The following ARHGAP15 variants were observed in gnomAD, a reference collection of about 807,000 sequenced individuals.
ARHGAP15 encodes Rho GTPase activating protein 15.
In ARHGAP15, 51 loss-of-function variants were observed where a neutral mutation model predicts 63.7. The observed-to-expected ratio is 0.80, with a 90% CI of 0.64 to 1.01. ARHGAP15 has a LOEUF of 1.01. ARHGAP15 is among the 50% of genes least tolerant of loss of function. The pLI, the probability that ARHGAP15 is intolerant of heterozygous loss-of-function variation, is 0.00. For missense variants in ARHGAP15, 560 were observed against 564.6 expected (o/e 0.99, Z 0.08); for synonymous variants, 191 against 193.8 (o/e 0.99, Z 0.12).
intron 5 of ARHGAP15, among the ~76,000 whole-genome samples, chr2:143,233,221 C>T (rs1693516829): frequency 6.6e-6 from 1 of 151,868 alleles, no homozygotes; most frequent in African/African-American, 2.4e-5. Flanking sequence ...CTTGGACTTG[C>T]TTTCTAGGAT....
chr2:143,327,070 C>T (rs1271527738), intron 6 of ARHGAP15, among the ~76,000 whole-genome samples: 2 of 152,194 alleles, frequency 1.3e-5, no homozygotes, highest in African/African-American at 2.4e-5. Context: ...AGCAAAGTCT[C>T]AGGATACAAA....
chr2:143,473,972 C>T (rs1347502755), intron 8 of ARHGAP15, among the ~76,000 whole-genome samples: 2 of 152,102 alleles, frequency 1.3e-5, no homozygotes, highest in African/African-American at 4.8e-5. Context: ...GAAATCTCAG[C>T]CCGTTCAATA....
At chr2:143,723,308 T>C (rs750429799) in intron 13 of ARHGAP15, among the ~76,000 whole-genome samples, 2 of 152,146 alleles carry the variant, frequency 1.3e-5, no homozygotes, top group Non-Finnish European at 2.9e-5. Context: ...CCATTGGTCC[T>C]ATGTGAAATG....
At chr2:143,758,541 G>A (rs1320453022) in intron 13 of ARHGAP15, among the ~76,000 whole-genome samples, 1 of 152,046 alleles carries the variant, frequency 6.6e-6, no homozygotes, top group African/African-American at 2.4e-5. Flanking sequence ...GAGGGCAGGA[G>A]ATATTCACAG....
intron 6 of ARHGAP15, among the ~76,000 whole-genome samples, chr2:143,410,831 A>G (rs1489911920): frequency 6.6e-6 from 1 of 150,640 alleles, no homozygotes; most frequent in Non-Finnish European, 1.5e-5. Context: ...TTTTTTTTGA[A>G]AAAGTATAGT....
At chr2:143,536,017 T>C (rs953193353) in intron 10 of ARHGAP15, among the ~76,000 whole-genome samples, 13 of 152,338 alleles carry the variant, frequency 8.5e-5, no homozygotes, top group African/African-American at 3.1e-4. Context: ...ATCTATGTAA[T>C]TAACAAATTA....
At chr2:143,208,871 C>A (rs144245782) in intron 3 of ARHGAP15, among the ~76,000 whole-genome samples, 1,666 of 152,166 alleles carry the variant, frequency 0.011, 37 homozygotes, top group African/African-American at 0.038. Flanking sequence ...ATGGAAAACC[C>A]TGCAGGAGTC....
At chr2:143,605,044 G>A (rs1334608109) in intron 11 of ARHGAP15, among the ~76,000 whole-genome samples, 1 of 152,064 alleles carries the variant, frequency 6.6e-6, no homozygotes, top group African/African-American at 2.4e-5. Flanking sequence ...GAGTAGCTAG[G>A]ATTACAGATA....
intron 3 of ARHGAP15, among the ~76,000 whole-genome samples, chr2:143,209,038 A>T (rs1337072656): frequency 1.3e-5 from 2 of 152,124 alleles, no homozygotes; most frequent in Non-Finnish European, 2.9e-5. Flanking sequence ...GCCAGATATC[A>T]TTTTGTGGAT....
At chr2:143,147,424 G>A (rs561377168) in intron 1 of ARHGAP15, among the ~76,000 whole-genome samples, 155 of 152,150 alleles carry the variant, frequency 1.0e-3, no homozygotes, top group Non-Finnish European at 1.8e-3. Context: ...GAAACAGAGA[G>A]AAGATTGCAT....
chr2:143,159,774 T>C (rs1021544169), intron 2 of ARHGAP15, among the ~76,000 whole-genome samples: 1 of 152,002 alleles, frequency 6.6e-6, no homozygotes, highest in Non-Finnish European at 1.5e-5. Flanking sequence ...CATAAATATA[T>C]GATCTGTTGC....
intron 11 of ARHGAP15, among the ~76,000 whole-genome samples, chr2:143,560,441 A>C (rs1277374756): frequency 6.6e-6 from 1 of 152,208 alleles, no homozygotes; most frequent in Non-Finnish European, 1.5e-5. Flanking sequence ...GATAGTAAAT[A>C]ATGTCCTAAT....
intron 11 of ARHGAP15, among the ~76,000 whole-genome samples, chr2:143,563,008 A>G (rs1696090741): frequency 6.6e-6 from 1 of 152,194 alleles, no homozygotes; most frequent in Non-Finnish European, 1.5e-5. Flanking sequence ...ACCAACCAAT[A>G]ATGAACTGAC....
chr2:143,167,262 T>G (rs900259279), intron 2 of ARHGAP15, among the ~76,000 whole-genome samples: 2 of 152,166 alleles, frequency 1.3e-5, no homozygotes, highest in Non-Finnish European at 2.9e-5. Context: ...TTTTTATCAT[T>G]AGTGTTATTC....
At chr2:143,180,743 G>A (rs1012525357) in intron 2 of ARHGAP15, among the ~76,000 whole-genome samples, 6 of 152,088 alleles carry the variant, frequency 3.9e-5, no homozygotes, top group Admixed American at 6.5e-5. Context: ...GCGTGATCTC[G>A]GCTAACTGCA....
chr2:143,154,726 T>G (rs890625319), intron 1 of ARHGAP15, among the ~76,000 whole-genome samples: 2 of 151,932 alleles, frequency 1.3e-5, no homozygotes, highest in South Asian at 4.1e-4. Context: ...CACCCTCTGG[T>G]GCTGCCACAG....
chr2:143,305,727 G>T (rs541717266), intron 6 of ARHGAP15, among the ~76,000 whole-genome samples: 1 of 151,988 alleles, frequency 6.6e-6, no homozygotes. Flanking sequence ...TTATTGCAGC[G>T]TTTAACTGTC....
chr2:143,357,733 T>C (rs1188535691), intron 6 of ARHGAP15, among the ~76,000 whole-genome samples: 3 of 152,148 alleles, frequency 2.0e-5, no homozygotes, highest in Non-Finnish European at 4.4e-5. Flanking sequence ...CATGAAAATC[T>C]ATGAAGACAC....
intron 13 of ARHGAP15, among the ~76,000 whole-genome samples, chr2:143,735,848 TC>T (rs1227730851): frequency 6.6e-6 from 1 of 152,218 alleles, no homozygotes; most frequent in African/African-American, 2.4e-5. Flanking sequence ...AATATTTCAA[TC>T]AATAGACATA....
Sources: gnomAD v4.1 joint callset for allele counts (sites outside exome capture counted in the v4.1 genomes callset) on GRCh38, gnomAD v4.1.1 for gene constraint, MANE v1.5 for transcripts, NCBI Gene and HGNC (gene_info 2026-07-23, HGNC 2026-07-21) for gene names.